The following SHISA9 variants were observed in gnomAD, a reference collection of about 807,000 sequenced individuals.
The protein encoded by SHISA9 is shisa family member 9, also known as protein shisa-9.
SHISA9 carries 13 observed loss-of-function variants against 38.0 expected under a neutral mutation model. The observed-to-expected ratio is 0.34, with a 90% CI of 0.22 to 0.54. SHISA9 has a LOEUF of 0.54. Among genes scored for constraint, SHISA9 ranks in the 20% least tolerant of loss-of-function variants. SHISA9 has a pLI of 0.91. For missense variants in SHISA9, 538 were observed against 575.8 expected (o/e 0.93, Z 0.67); for synonymous variants, 275 against 242.0 (o/e 1.14, Z -1.27).
the SHISA9 span, among the ~76,000 whole-genome samples, chr16:13,461,472 G>A: frequency 3.3e-5 from 5 of 151,758 alleles, no homozygotes; most frequent in East Asian, 1.9e-4. Flanking sequence ...CCAGCTACTC[G>A]TGAGGCTGAG....
chr16:13,520,340 C>T, the SHISA9 span, among the ~76,000 whole-genome samples: 37 of 152,196 alleles, frequency 2.4e-4, no homozygotes, highest in African/African-American at 8.7e-4. Context: ...TGGCTCACGC[C>T]TGTAATCCCA....
chr16:13,190,014 TCTC>T (rs1293219205), intron 2 of SHISA9, among the ~76,000 whole-genome samples: 2 of 151,424 alleles, frequency 1.3e-5, no homozygotes, highest in Non-Finnish European at 1.5e-5. Context: ...GGGGCAAACA[TCTC>T]CTGTTAATAG....
At chr16:13,012,838 C>T (rs1006193737) in intron 2 of SHISA9, among the ~76,000 whole-genome samples, 2 of 152,188 alleles carry the variant, frequency 1.3e-5, no homozygotes, top group African/African-American at 4.8e-5. Context: ...GTGTCTCCAA[C>T]AGTCAGCCAC....
chr16:13,452,970 G>A, the SHISA9 span, among the ~76,000 whole-genome samples: 13 of 151,824 alleles, frequency 8.6e-5, no homozygotes, highest in East Asian at 9.7e-4. Context: ...GTGCAGTGGC[G>A]CAATCTCAGC....
the SHISA9 span, among the ~76,000 whole-genome samples, chr16:13,376,791 G>A: frequency 2.0e-5 from 3 of 151,966 alleles, no homozygotes; most frequent in South Asian, 4.2e-4. Flanking sequence ...CCTCTTGGGC[G>A]ATCCTCCCAC....
intron 2 of SHISA9, among the ~76,000 whole-genome samples, chr16:12,945,342 G>C (rs1219337199): frequency 6.6e-6 from 1 of 152,148 alleles, no homozygotes; most frequent in Non-Finnish European, 1.5e-5. Flanking sequence ...AATGCCAATA[G>C]ACATGCCTTT....
the SHISA9 span, among the ~76,000 whole-genome samples, chr16:13,394,155 T>G: frequency 4.6e-5 from 7 of 152,134 alleles, no homozygotes; most frequent in African/African-American, 1.7e-4. Flanking sequence ...CCATCTGCCA[T>G]GAGAAAAACA....
At chr16:13,493,767 T>A in the SHISA9 span, among the ~76,000 whole-genome samples, 1 of 152,114 alleles carries the variant, frequency 6.6e-6, no homozygotes, top group Admixed American at 6.5e-5. Context: ...TGGGTAAGAT[T>A]TCATTCACCT....
At chr16:13,067,895 A>T (rs879483256) in intron 2 of SHISA9, among the ~76,000 whole-genome samples, 1 of 152,174 alleles carries the variant, frequency 6.6e-6, no homozygotes, top group African/African-American at 2.4e-5. Context: ...CTCAACCTTC[A>T]GATCTCACTT....
intron 1 of SHISA9, chr16:12,911,625 TAAA>T (rs1013354406): frequency 6.4e-6 from 1 of 155,088 alleles, no homozygotes; most frequent in Non-Finnish European, 1.4e-5. Context: ...TTATCATTAA[TAAA>T]AAAAATCTGG....
At chr16:13,148,343 C>G (rs1429114220) in intron 2 of SHISA9, among the ~76,000 whole-genome samples, 1 of 152,116 alleles carries the variant, frequency 6.6e-6, no homozygotes, top group African/African-American at 2.4e-5. Context: ...TCTTTACACA[C>G]CCCTGCAAAC....
At chr16:13,063,959 A>G (rs2073405300) in intron 2 of SHISA9, among the ~76,000 whole-genome samples, 1 of 152,158 alleles carries the variant, frequency 6.6e-6, no homozygotes, top group Non-Finnish European at 1.5e-5. Context: ...CCAAGGAGAT[A>G]ATTTTAAGGC....
Position 12,902,209 on chromosome 16 carries a change from G to A in SHISA9, c.145G>A (p.Ala49Thr). ...LLLAGGNRSG[A>T]ASGEASEGAE... ...GCTGGCGGGGGGCAACCGCTCCGGG[G>A]CCGCCTCCGGAGAGGCCAGCGAGGG... is the stretch of plus-strand genomic sequence containing the variant. Residue 49 changes from alanine to threonine, a missense_variant, in exon 1 of 5, where the codon GCC (alanine) becomes ACC (threonine). Coordinates refer to ENST00000558583, the MANE Select transcript of SHISA9 (RefSeq NM_001145204.3). 6.5e-7 allele frequency: 1 copy of A among 1,533,102 alleles called. No homozygotes were observed. The highest frequency in any genetic ancestry group is 1.2e-5 in the South Asian group (1 of 83,242). 95.0% of individuals were successfully genotyped at this position (1,533,102 alleles called of 1,614,324 possible). A position where few individuals can be genotyped will look rare whatever the true frequency, so the allele number is the denominator to read the frequency against.
At chr16:13,099,952 T>G (rs2073862594) in intron 2 of SHISA9, among the ~76,000 whole-genome samples, 1 of 152,184 alleles carries the variant, frequency 6.6e-6, no homozygotes. Flanking sequence ...TATTTCCTTT[T>G]ACACCTTAGG....
chr16:13,370,213 C>A, the SHISA9 span, among the ~76,000 whole-genome samples: 1 of 152,134 alleles, frequency 6.6e-6, no homozygotes, highest in Non-Finnish European at 1.5e-5. Context: ...TAACGACCAA[C>A]GTAACTTGTG....
rs1164785526 is a variant in SHISA9, at chr16:13,236,338, A to G, written c.*929A>G. Reference sequence around the variant, plus strand: ...TCAAAAATCTTGAAGACTTGTTGACATTAACAACAACAAATCCACAGTTGG... The same window carrying G: ...TCAAAAATCTTGAAGACTTGTTGACGTTAACAACAACAAATCCACAGTTGG... On this transcript the variant is annotated 3_prime_UTR_variant, in exon 5 of 5. Transcript: ENST00000558583. 6.6e-6 allele frequency: 1 copy of G among 151,110 alleles called. No individual in the cohort carries two copies. Among genetic ancestry groups the G allele is most frequent in the African/African-American group, 2.4e-5 (1 of 41,084 alleles). 9.4% of individuals were successfully genotyped at this position (151,110 alleles called of 1,614,324 possible).
At chr16:13,471,650 C>A in the SHISA9 span, among the ~76,000 whole-genome samples, 1 of 151,342 alleles carries the variant, frequency 6.6e-6, no homozygotes, top group Non-Finnish European at 1.5e-5. Context: ...AAAGAGAATG[C>A]CCCAGGGAGC....
At chr16:13,080,738 C>T (rs276604) in intron 2 of SHISA9, among the ~76,000 whole-genome samples, 107,912 of 152,162 alleles carry the variant, frequency 0.71, 38,559 homozygotes, top group Admixed American at 0.78. Flanking sequence ...TCACTGGAGA[C>T]ATAAAATAGC....
At chr16:13,363,825 T>A in the SHISA9 span, among the ~76,000 whole-genome samples, 12 of 152,320 alleles carry the variant, frequency 7.9e-5, no homozygotes, top group East Asian at 1.2e-3. Flanking sequence ...CACGGAAGAT[T>A]ACTATTCAAG....
Sources: allele counts gnomAD v4.1 joint callset (sites outside exome capture counted in the v4.1 genomes callset), GRCh38; gene constraint gnomAD v4.1.1; transcripts MANE v1.5; gene names NCBI Gene and HGNC (gene_info 2026-07-23, HGNC 2026-07-21).